The following MYLK variants were observed in gnomAD, a reference collection of about 807,000 sequenced individuals.
The protein encoded by MYLK is myosin light chain kinase, smooth muscle.
In MYLK, 106 loss-of-function variants were observed where a neutral mutation model predicts 203.4. The observed-to-expected ratio is 0.52, with a 90% CI of 0.45 to 0.61. The LOEUF is 0.61. Ranked by LOEUF, MYLK falls within the 20% of genes least tolerant of loss-of-function variation. The pLI is 0.00. For synonymous variants in MYLK, 867 were observed against 959.5 expected (o/e 0.90, Z 1.78); for missense variants, 2,072 against 2,442.3 (o/e 0.85, Z 3.20).
intron 1 of MYLK, among the ~76,000 whole-genome samples, chr3:123,877,343 CTA>C (rs2033217643): frequency 6.6e-6 from 1 of 152,138 alleles, no homozygotes; most frequent in Non-Finnish European, 1.5e-5. Context: ...CACAGTCAGA[CTA>C]TGTTTTAGAT....
intron 23 of MYLK, 21 bp downstream of exon 23, chr3:123,664,084 C>T: frequency 3.1e-6 from 5 of 1,613,690 alleles, no homozygotes; most frequent in Non-Finnish European, 4.2e-6. Context: ...AAGCTCCATG[C>T]CACCCAGCCA....
intron 31 of MYLK, 23 bp downstream of exon 31, chr3:123,626,786 AACATCCCAG>A: frequency 6.2e-7 from 1 of 1,614,072 alleles, no homozygotes; most frequent in Non-Finnish European, 8.5e-7. Context: ...TATGAGGGGC[AACATCCCAG>A]TCCAAAGTGA....
At chr3:123,677,546 C>T (rs922983153) in intron 20 of MYLK, among the ~76,000 whole-genome samples, 2 of 152,082 alleles carry the variant, frequency 1.3e-5, no homozygotes. Context: ...GGCCTGTGAA[C>T]TTCTTTCCTG....
At chr3:123,730,630 A>G (rs1250455133) in intron 11 of MYLK, among the ~76,000 whole-genome samples, 1 of 152,236 alleles carries the variant, frequency 6.6e-6, no homozygotes, top group African/African-American at 2.4e-5. Context: ...GAAAACATTA[A>G]GCTAAGAGAA....
chr3:123,816,067 T>C (rs2065739295), intron 3 of MYLK, among the ~76,000 whole-genome samples: 1 of 152,240 alleles, frequency 6.6e-6, no homozygotes, highest in Non-Finnish European at 1.5e-5. Context: ...AGTAAGTTCT[T>C]AATACACACT....
chr3:123,842,427 C>T (rs1419232242), intron 2 of MYLK, among the ~76,000 whole-genome samples: 1 of 152,126 alleles, frequency 6.6e-6, no homozygotes, highest in African/African-American at 2.4e-5. Flanking sequence ...AATCCAATCT[C>T]ACAATTATTT....
intron 5 of MYLK, among the ~76,000 whole-genome samples, chr3:123,749,052 C>A (rs539539180): frequency 6.6e-6 from 1 of 151,164 alleles, no homozygotes; most frequent in African/African-American, 2.4e-5. Flanking sequence ...CTGGGTGACA[C>A]GGCAAGACCC....
At chr3:123,669,515 T>C (rs977761420) in intron 20 of MYLK, among the ~76,000 whole-genome samples, 4 of 152,084 alleles carry the variant, frequency 2.6e-5, no homozygotes, top group Admixed American at 2.0e-4. Flanking sequence ...AGTATTGGAT[T>C]AGTGTTAATT....
intron 1 of MYLK, among the ~76,000 whole-genome samples, chr3:123,882,114 A>G (rs2033584792): frequency 6.6e-6 from 1 of 152,206 alleles, no homozygotes; most frequent in Non-Finnish European, 1.5e-5. Flanking sequence ...GGGGTGAGCA[A>G]ACCTCACACA....
chr3:123,649,969 A>C (rs562561362), intron 24 of MYLK, among the ~76,000 whole-genome samples: 1 of 152,304 alleles, frequency 6.6e-6, no homozygotes, highest in Admixed American at 6.5e-5. Context: ...GGTATTTGTG[A>C]GGCAGGGCAG....
chr3:123,862,811 G>A, intron 2 of MYLK, among the ~76,000 whole-genome samples: 1 of 151,952 alleles, frequency 6.6e-6, no homozygotes, highest in Non-Finnish European at 1.5e-5. Flanking sequence ...TCCCCTACTT[G>A]TTCTTCCAAG....
chr3:123,733,543 C>G, intron 10 of MYLK, 144 bp downstream of exon 10: 1 of 964,014 alleles, frequency 1.0e-6, no homozygotes, highest in South Asian at 1.3e-5. Context: ...AAGGGGAAGG[C>G]CCTTGTAAGG....
intron 23 of MYLK, among the ~76,000 whole-genome samples, chr3:123,663,582 C>G (rs139180034): frequency 1.3e-5 from 2 of 152,116 alleles, no homozygotes; most frequent in Non-Finnish European, 2.9e-5. Context: ...CTGGGAGGAG[C>G]CAGGAGAGAG....
At chr3:123,788,436 T>G (rs1220259265) in intron 4 of MYLK, among the ~76,000 whole-genome samples, 3 of 151,580 alleles carry the variant, frequency 2.0e-5, no homozygotes, top group African/African-American at 7.3e-5. Context: ...ATGTGCACAA[T>G]GTGCAGGTTA....
intron 6 of MYLK, among the ~76,000 whole-genome samples, chr3:123,739,468 G>T (rs913267895): frequency 6.6e-6 from 1 of 152,208 alleles, no homozygotes; most frequent in Non-Finnish European, 1.5e-5. Flanking sequence ...CCCAGTGGGG[G>T]CTCAAGGGCC....
At chr3:123,839,381 C>T (rs1166869333) in intron 2 of MYLK, among the ~76,000 whole-genome samples, 2 of 151,984 alleles carry the variant, frequency 1.3e-5, no homozygotes, top group South Asian at 2.1e-4. Flanking sequence ...TAAATGTAAG[C>T]ACTAATCAAA....
At chr3:123,852,046 T>C (rs1265524847) in intron 2 of MYLK, among the ~76,000 whole-genome samples, 1 of 152,174 alleles carries the variant, frequency 6.6e-6, no homozygotes, top group Non-Finnish European at 1.5e-5. Context: ...CTGGATTACG[T>C]TTATTGATTT....
chr3:123,787,253 C>A (rs540921822), intron 4 of MYLK, among the ~76,000 whole-genome samples: 1 of 152,018 alleles, frequency 6.6e-6, no homozygotes, highest in African/African-American at 2.4e-5. Context: ...CCTGAGGCTG[C>A]GTAGAATGGA....
intron 11 of MYLK, among the ~76,000 whole-genome samples, chr3:123,728,782 G>A (rs765500069): frequency 1.3e-5 from 2 of 152,194 alleles, no homozygotes; most frequent in Non-Finnish European, 1.5e-5. Flanking sequence ...AAAACCCCAT[G>A]CGTAAGAGAA....
Sources: gnomAD v4.1 joint callset for allele counts (sites outside exome capture counted in the v4.1 genomes callset) on GRCh38, gnomAD v4.1.1 for gene constraint, MANE v1.5 for transcripts, NCBI Gene and HGNC (gene_info 2026-07-23, HGNC 2026-07-21) for gene names.